DRICH1: variants seen among roughly 807,000 people sequenced by gnomAD.
The protein encoded by DRICH1 is aspartate rich 1, also known as aspartate-rich protein 1.
A neutral mutation model predicts 39.5 loss-of-function variants in DRICH1; 38 were observed. That is an observed-to-expected ratio of 0.96 (90% confidence interval 0.74 to 1.26). DRICH1 has a LOEUF of 1.26. Among genes scored for constraint, DRICH1 ranks in the 50% most tolerant of loss-of-function variants. DRICH1 has a pLI of 0.00. For missense variants in DRICH1, 279 were observed against 270.4 expected (o/e 1.03, Z -0.22); for synonymous variants, 84 against 99.5 (o/e 0.84, Z 0.93).
chr22:23,619,332 C>T (rs193218694), intron 6 of DRICH1, 32 bp downstream of exon 6: 44 of 780,396 alleles, frequency 5.6e-5, no homozygotes, highest in Middle Eastern at 4.5e-4. Flanking sequence ...ATGACTAACA[C>T]ACAATACTAC....
intron 7 of DRICH1, among the ~76,000 whole-genome samples, chr22:23,617,349 T>C (rs901194980): frequency 1.3e-5 from 2 of 151,908 alleles, no homozygotes; most frequent in Non-Finnish European, 2.9e-5. Context: ...CCATGTTTAA[T>C]ACAAAGTGCC....
chr22:23,608,650 G>A lies in DRICH1; in HGVS notation c.*114C>T. 9.1e-7 allele frequency: 1 copy of A among 1,092,926 alleles called. No individual in the cohort carries two copies. The highest frequency in any genetic ancestry group is 1.4e-6 in the Non-Finnish European group (1 of 734,286). 67.7% of individuals were successfully genotyped at this position (1,092,926 alleles called of 1,614,324 possible). A position where few individuals can be genotyped will look rare whatever the true frequency, so the allele number is the denominator to read the frequency against. ...CTTTTTCTCTCTGCTGGGACCAAGAGTTTTCCTCAGAATGTAGAGAGGATT... is the reference window on the plus strand; with the variant it reads ...CTTTTTCTCTCTGCTGGGACCAAGAATTTTCCTCAGAATGTAGAGAGGATT... On this transcript the variant is annotated 3_prime_UTR_variant, in exon 12 of 12. Transcript: ENST00000317749.
downstream of DRICH1, among the ~76,000 whole-genome samples, chr22:23,604,706 C>CCAAT (rs1349130351): frequency 1.3e-5 from 2 of 152,180 alleles, no homozygotes; most frequent in Non-Finnish European, 1.5e-5. Context: ...AAGGCCCTCA[C>CCAAT]CAATCAGAAA....
the DRICH1 span, among the ~76,000 whole-genome samples, chr22:23,589,294 T>C: frequency 6.6e-6 from 1 of 151,772 alleles, no homozygotes; most frequent in Non-Finnish European, 1.5e-5. Context: ...CTACAAAAAA[T>C]ACAAAAATTA....
At chr22:23,604,301 G>A (rs574883437), downstream of DRICH1, among the ~76,000 whole-genome samples, 19 of 152,168 alleles carry the variant, frequency 1.2e-4, no homozygotes, top group East Asian at 3.3e-3. Context: ...GGAGCTTCTC[G>A]AGGCTCTATG....
downstream of DRICH1, among the ~76,000 whole-genome samples, chr22:23,605,756 A>G (rs891528460): frequency 4.6e-5 from 7 of 152,130 alleles, no homozygotes; most frequent in Non-Finnish European, 8.8e-5. Context: ...CAAGATAAAT[A>G]ATATTTTAAT....
chr22:23,621,039 CATATTTTT>C (rs1927696020), intron 4 of DRICH1, among the ~76,000 whole-genome samples: 1 of 152,112 alleles, frequency 6.6e-6, no homozygotes, highest in African/African-American at 2.4e-5. Flanking sequence ...TGCGCCTTGT[CATATTTTT>C]ATACCAAGAT....
chr22:23,621,432 T>C (rs1173478829), intron 4 of DRICH1, among the ~76,000 whole-genome samples: 8 of 150,640 alleles, frequency 5.3e-5, no homozygotes, highest in African/African-American at 2.0e-4. Flanking sequence ...AAAAAAAAAA[T>C]ACCTAAAGCC....
At chr22:23,617,694 G>T in intron 6 of DRICH1, 37 bp from the exon 7 acceptor site, 2 of 1,601,470 alleles carry the variant, frequency 1.2e-6, no homozygotes, top group Non-Finnish European at 1.7e-6. Context: ...TGCCCTGGTT[G>T]TTTGTGACTG....
the DRICH1 span, among the ~76,000 whole-genome samples, chr22:23,586,364 C>G: frequency 6.6e-6 from 1 of 152,186 alleles, no homozygotes; most frequent in Non-Finnish European, 1.5e-5. Flanking sequence ...TGACTTGCAC[C>G]TGTAGTCCCA....
chr22:23,584,821 G>A, the DRICH1 span, among the ~76,000 whole-genome samples: 1 of 152,068 alleles, frequency 6.6e-6, no homozygotes, highest in Non-Finnish European at 1.5e-5. Flanking sequence ...TTTTGAGACA[G>A]GGTCTCACTC....
At chr22:23,622,040 TCACATCA>T in intron 4 of DRICH1, 44 bp downstream of exon 4, 3 of 1,586,414 alleles carry the variant, frequency 1.9e-6, no homozygotes, top group Non-Finnish European at 2.6e-6. Context: ...AGTTTGTTTC[TCACATCA>T]GAAAACCAAC....
chr22:23,610,126 G>A (rs1450165250), intron 11 of DRICH1, among the ~76,000 whole-genome samples: 1 of 152,108 alleles, frequency 6.6e-6, no homozygotes, highest in African/African-American at 2.4e-5. Context: ...CTCTTGTAGG[G>A]CACGACGTGG....
intron 1 of DRICH1, among the ~76,000 whole-genome samples, chr22:23,628,930 C>T (rs1202875922): frequency 2.0e-5 from 3 of 152,180 alleles, no homozygotes; most frequent in Non-Finnish European, 2.9e-5. Context: ...GCCATGCTCT[C>T]GGCAGACAGG....
the DRICH1 span, among the ~76,000 whole-genome samples, chr22:23,595,264 G>GA: frequency 6.7e-6 from 1 of 148,634 alleles, no homozygotes; most frequent in African/African-American, 2.5e-5. Context: ...CTTGGTCGCT[G>GA]TGGTGAAAGT....
At chr22:23,618,158 G>A (rs1332573589) in intron 6 of DRICH1, among the ~76,000 whole-genome samples, 3 of 139,894 alleles carry the variant, frequency 2.1e-5, no homozygotes, top group African/African-American at 8.0e-5. Context: ...CTGTCCCCCA[G>A]GTTGGAGTGC....
At chr22:23,619,913 A>G (rs749747484) in intron 5 of DRICH1, among the ~76,000 whole-genome samples, 15 of 151,626 alleles carry the variant, frequency 9.9e-5, no homozygotes, top group Admixed American at 5.2e-4. Context: ...CATTTCTCCT[A>G]TGCATCTGGG....
At chr22:23,620,332 C>T (rs1049235295) in intron 5 of DRICH1, among the ~76,000 whole-genome samples, 2 of 152,062 alleles carry the variant, frequency 1.3e-5, no homozygotes, top group South Asian at 2.1e-4. Flanking sequence ...TCTTTATAAC[C>T]ACCAACATCA....
chr22:23,628,543 C>T lies in DRICH1; in HGVS notation c.209-2495G>A, dbSNP rs185990293. The stretch of plus-strand genomic sequence containing the variant: ...GATCGCACAACTGCACTACTCCAGC[C>T]TGGGCAACAGAGTGAGACTCCACCT... On this transcript the variant is annotated intron_variant, in intron 1 of 11. Coordinates refer to ENST00000317749, the MANE Select transcript of DRICH1 (RefSeq NM_016449.4). Among the ~76,000 whole-genome samples, 1,228 of 150,294 alleles carry T rather than the reference C, an allele frequency of 8.2e-3. 27 individuals are homozygous for T. The East Asian group carries it at 0.084, about 10-fold the overall frequency.
Sources: gnomAD v4.1 joint callset for allele counts (sites outside exome capture counted in the v4.1 genomes callset) on GRCh38, gnomAD v4.1.1 for gene constraint, MANE v1.5 for transcripts, NCBI Gene and HGNC (gene_info 2026-07-23, HGNC 2026-07-21) for gene names.